The following MLLT3 variants were observed in gnomAD, a reference collection of about 807,000 sequenced individuals.
MLLT3 encodes the protein MLLT3 super elongation complex subunit.
A neutral mutation model predicts 53.2 loss-of-function variants in MLLT3; 4 were observed. The ratio of observed to expected loss-of-function variants is 0.08; its 90% CI spans 0.04 to 0.17. The LOEUF (loss-of-function observed/expected upper bound fraction) is 0.17, where lower values mean the gene tolerates loss of function less well. Among genes scored for constraint, MLLT3 ranks in the 10% least tolerant of loss-of-function variants. The probability of loss-of-function intolerance (pLI) is 1.00; values close to 1 mark genes in which losing one functional copy is unlikely to be tolerated. For missense variants in MLLT3, 569 were observed against 684.0 expected, an observed-to-expected ratio of 0.83 and a Z score of 1.87; for synonymous variants, 283 against 230.6, an observed-to-expected ratio of 1.23 and a Z score of -2.06.
At chr9:20,469,919 T>C (rs144199165) in intron 2 of MLLT3, among the ~76,000 whole-genome samples, 326 of 152,142 alleles carry the variant, frequency 2.1e-3, no homozygotes, top group South Asian at 0.01. Context: ...ATATTGTAAT[T>C]TAAAAATAAA....
chr9:20,511,373 T>C (rs1825529847), intron 2 of MLLT3, among the ~76,000 whole-genome samples: 1 of 152,188 alleles, frequency 6.6e-6, no homozygotes, highest in Non-Finnish European at 1.5e-5. Flanking sequence ...AAAATTGCAA[T>C]TGCAATACCT....
At chr9:20,579,329 C>T (rs1013939045) in intron 2 of MLLT3, among the ~76,000 whole-genome samples, 16 of 151,698 alleles carry the variant, frequency 1.1e-4, no homozygotes, top group East Asian at 5.8e-4. Flanking sequence ...TTGAGTAGTA[C>T]GCCACTACAT....
At chr9:20,374,833 C>A (rs1168203353) in intron 5 of MLLT3, among the ~76,000 whole-genome samples, 1 of 152,172 alleles carries the variant, frequency 6.6e-6, no homozygotes, top group Non-Finnish European at 1.5e-5. Context: ...CCCCTCTACC[C>A]TAAAATTCAC....
At chr9:20,599,162 G>C (rs964084607) in intron 2 of MLLT3, among the ~76,000 whole-genome samples, 1 of 152,120 alleles carries the variant, frequency 6.6e-6, no homozygotes, top group East Asian at 1.9e-4. Context: ...AAATTAGCTG[G>C]GCATGGTGGC....
At chr9:20,456,636 T>C in intron 3 of MLLT3, 68 bp downstream of exon 3, 1 of 1,137,872 alleles carries the variant, frequency 8.8e-7, no homozygotes, top group South Asian at 1.3e-5. Flanking sequence ...TGAGTCAAAA[T>C]TATTTTAAAC....
chr9:20,516,928 GA>G (rs1265143585), intron 2 of MLLT3, among the ~76,000 whole-genome samples: 2 of 152,150 alleles, frequency 1.3e-5, no homozygotes, highest in Non-Finnish European at 2.9e-5. Flanking sequence ...TAATATGCTA[GA>G]AATTTTCAGT....
chr9:20,577,962 G>A (rs1036146856), intron 2 of MLLT3, among the ~76,000 whole-genome samples: 4 of 152,164 alleles, frequency 2.6e-5, no homozygotes, highest in Non-Finnish European at 5.9e-5. Context: ...AGTATCCTCT[G>A]TAGTTCCCAG....
intron 5 of MLLT3, among the ~76,000 whole-genome samples, chr9:20,366,816 GA>G (rs1821464532): frequency 6.6e-6 from 1 of 152,064 alleles, no homozygotes; most frequent in Non-Finnish European, 1.5e-5. Flanking sequence ...ACAAACATAT[GA>G]AAAAAAGCTC....
intron 2 of MLLT3, among the ~76,000 whole-genome samples, chr9:20,494,083 T>C (rs981458385): frequency 6.6e-6 from 1 of 152,168 alleles, no homozygotes; most frequent in Non-Finnish European, 1.5e-5. Context: ...TTTTCATTTA[T>C]TATCCTGGAT....
chr9:20,429,491 G>A (rs1823214938), intron 4 of MLLT3, among the ~76,000 whole-genome samples: 2 of 151,884 alleles, frequency 1.3e-5, no homozygotes, highest in African/African-American at 4.8e-5. Context: ...TCTAACTCAA[G>A]AATATAAATG....
chr9:20,577,205 ATAG>A (rs1368764281), intron 2 of MLLT3, among the ~76,000 whole-genome samples: 2 of 152,138 alleles, frequency 1.3e-5, no homozygotes, highest in African/African-American at 2.4e-5. Flanking sequence ...AGTTAAAGCA[ATAG>A]TAGGACAACA....
chr9:20,370,453 T>C (rs1821570073), intron 5 of MLLT3, among the ~76,000 whole-genome samples: 2 of 152,038 alleles, frequency 1.3e-5, no homozygotes, highest in South Asian at 4.2e-4. Flanking sequence ...AATACTGAAA[T>C]TAGGCCAATT....
chr9:20,508,355 G>C (rs1416515936), intron 2 of MLLT3, among the ~76,000 whole-genome samples: 1 of 152,086 alleles, frequency 6.6e-6, no homozygotes, highest in Non-Finnish European at 1.5e-5. Flanking sequence ...GTATCCTCAG[G>C]AGGCCCATCC....
intron 2 of MLLT3, among the ~76,000 whole-genome samples, chr9:20,581,526 A>AT (rs1206045737): frequency 1.3e-5 from 2 of 151,888 alleles, no homozygotes; most frequent in South Asian, 2.1e-4. Context: ...TTCACTTGGA[A>AT]TTTTTTTTCC....
chr9:20,439,667 T>C (rs1179580872), intron 4 of MLLT3, among the ~76,000 whole-genome samples: 8 of 152,156 alleles, frequency 5.3e-5, no homozygotes, highest in Admixed American at 3.9e-4. Context: ...AGAAAGTTTA[T>C]ATCAATCCTC....
chr9:20,503,481 T>C (rs953974494), intron 2 of MLLT3, among the ~76,000 whole-genome samples: 3 of 152,170 alleles, frequency 2.0e-5, no homozygotes, highest in Non-Finnish European at 2.9e-5. Flanking sequence ...TTAGGAAAAC[T>C]GGACACCACA....
chr9:20,473,667 T>C (rs1824451657), intron 2 of MLLT3, among the ~76,000 whole-genome samples: 1 of 151,940 alleles, frequency 6.6e-6, no homozygotes, highest in South Asian at 2.1e-4. Flanking sequence ...ACATTTCCCA[T>C]AAGAACTGTC....
At chr9:20,444,399 T>C (rs1323851785) in intron 4 of MLLT3, among the ~76,000 whole-genome samples, 2 of 152,112 alleles carry the variant, frequency 1.3e-5, no homozygotes, top group East Asian at 3.8e-4. Flanking sequence ...CCTCAAAAGT[T>C]TACTGCTCAC....
At chr9:20,444,189 C>G (rs921823200) in intron 4 of MLLT3, among the ~76,000 whole-genome samples, 1 of 152,146 alleles carries the variant, frequency 6.6e-6, no homozygotes, top group Non-Finnish European at 1.5e-5. Flanking sequence ...AGAAAATTAT[C>G]TGTCGTGATC....
Sources: allele counts gnomAD v4.1 joint callset (sites outside exome capture counted in the v4.1 genomes callset), GRCh38; gene constraint gnomAD v4.1.1; transcripts MANE v1.5; gene names NCBI Gene and HGNC (gene_info 2026-07-23, HGNC 2026-07-21).